ASB4: variants seen among roughly 807,000 people sequenced by gnomAD.
ASB4 encodes ankyrin repeat and SOCS box protein 4.
A neutral mutation model predicts 38.6 loss-of-function variants in ASB4; 35 were observed. That is an observed-to-expected ratio of 0.91 (90% CI 0.69 to 1.20). The LOEUF is 1.20. Among genes scored for constraint, ASB4 ranks in the 50% most tolerant of loss-of-function variants. The pLI is 0.00. For synonymous variants in ASB4, 195 were observed against 201.3 expected (o/e 0.97, Z 0.26); for missense variants, 557 against 527.2 (o/e 1.06, Z -0.55).
At chr7:95,523,740 A>C (rs1562819873) in intron 2 of ASB4, among the ~76,000 whole-genome samples, 1 of 152,194 alleles carries the variant, frequency 6.6e-6, no homozygotes, top group Admixed American at 6.5e-5. Context: ...CATTAATTTT[A>C]AGATCAAAAT....
At chr7:95,515,171 TTCTTTCTTTCTTTC>T (rs1790541310) in intron 2 of ASB4, among the ~76,000 whole-genome samples, 1 of 44,618 alleles carries the variant, frequency 2.2e-5, no homozygotes, top group Non-Finnish European at 5.0e-5. Context: ...CTCTTTCTCT[TTCTTTCTTTCTTTC>T]TTTCTTTCTT....
Position 95,495,901 on chromosome 7 carries a change from C to T in ASB4, c.331C>T (p.Leu111Phe), listed in dbSNP as rs1198817063. The change falls in exon 2 of 5, where the codon CTT becomes TTT. Residue 111 changes from leucine to phenylalanine, a missense_variant. Leu to Phe is a conservative substitution (Grantham distance 22). Coordinates refer to ENST00000325885, the MANE Select transcript of ASB4 (RefSeq NM_016116.3). ...CTGTAGACCCAATGGGAAAACCCCT[C>T]TTCACGTGGCTTGTGAAATGGCCAA... ...INCRPNGKTP[L>F]HVACEMANVD... The T allele has an allele frequency of 4.3e-6, 7 of 1,614,148 alleles. No homozygotes were observed. The highest frequency in any genetic ancestry group is 5.1e-6 in the Non-Finnish European group (6 of 1,180,024).
At chr7:95,523,239 G>A (rs769610355) in intron 2 of ASB4, among the ~76,000 whole-genome samples, 36 of 152,126 alleles carry the variant, frequency 2.4e-4, no homozygotes, top group Non-Finnish European at 5.9e-5. Context: ...TGGTACAAAG[G>A]AAAAGGCAAG....
intron 1 of ASB4, among the ~76,000 whole-genome samples, chr7:95,493,812 G>A (rs1376769090): frequency 6.6e-6 from 1 of 151,946 alleles, no homozygotes; most frequent in African/African-American, 2.4e-5. Flanking sequence ...CTCTCATTCA[G>A]TAATATATCT....
the ASB4 span, among the ~76,000 whole-genome samples, chr7:95,550,257 G>C: frequency 6.6e-6 from 1 of 152,158 alleles, no homozygotes; most frequent in Admixed American, 6.5e-5. Flanking sequence ...TGACACTCCA[G>C]AGAGGAACTA....
intron 3 of ASB4, among the ~76,000 whole-genome samples, chr7:95,533,113 G>C (rs1790840948): frequency 6.6e-6 from 1 of 152,176 alleles, no homozygotes; most frequent in South Asian, 2.1e-4. Context: ...CTTGGGTCTA[G>C]AGGATCCTTG....
At chr7:95,512,127 C>T (rs1378448483) in intron 2 of ASB4, among the ~76,000 whole-genome samples, 1 of 152,158 alleles carries the variant, frequency 6.6e-6, no homozygotes, top group Non-Finnish European at 1.5e-5. Context: ...ATGCTGTAGC[C>T]TATTAGACCA....
At chr7:95,499,696 G>T (rs771937760) in intron 2 of ASB4, among the ~76,000 whole-genome samples, 1 of 152,070 alleles carries the variant, frequency 6.6e-6, no homozygotes, top group Non-Finnish European at 1.5e-5. Flanking sequence ...GGGGGCTGGA[G>T]GGAGGTCACA....
chr7:95,539,926 A>T lies in ASB4; in HGVS notation c.*2167A>T, dbSNP rs1790947552. On this transcript the variant is annotated 3_prime_UTR_variant, in exon 5 of 5. Coordinates refer to ENST00000325885, the MANE Select transcript of ASB4 (RefSeq NM_016116.3). ...AATTAACAAAGTAAAACAAGATCACACCCTGGAACAATTGGAGGATTGCTT... is the reference window on the plus strand; with the variant it reads ...AATTAACAAAGTAAAACAAGATCACTCCCTGGAACAATTGGAGGATTGCTT... The T allele has an allele frequency of 6.6e-6, 1 of 152,176 alleles. No homozygotes were observed. Among genetic ancestry groups the T allele is most frequent in the South Asian group, 2.1e-4 (1 of 4,834 alleles). 9.4% of individuals were successfully genotyped at this position (152,176 alleles called of 1,614,324 possible).
intron 3 of ASB4, 39 bp from the exon 4 acceptor site, chr7:95,536,398 T>A: frequency 7.8e-7 from 1 of 1,284,680 alleles, no homozygotes; most frequent in East Asian, 2.3e-5. Context: ...GAACCATATA[T>A]GTGCATCAAA....
At chr7:95,533,509 G>C (rs1692515548) in intron 3 of ASB4, among the ~76,000 whole-genome samples, 1 of 152,162 alleles carries the variant, frequency 6.6e-6, no homozygotes, top group African/African-American at 2.4e-5. Context: ...CCAGTGACTT[G>C]ACCTTCTAAT....
Position 95,515,267 on chromosome 7 carries a change from C to CCTTCTTTCTT in ASB4, c.488-12546_488-12545insCTTCTTTCTT, listed in dbSNP as rs1249430167. The stretch of plus-strand genomic sequence containing the variant: ...TCTTTCTTTCCTTCTTTCTTTCTTT[C>CCTTCTTTCTT]TCTTTCTTTCTTTCTTTCTTTCTTT... On this transcript the variant is annotated intron_variant, in intron 2 of 4. Coordinates refer to ENST00000325885, the MANE Select transcript of ASB4 (RefSeq NM_016116.3). Among the ~76,000 whole-genome samples, 5 of 72,638 alleles carry CCTTCTTTCTT rather than the reference C, an allele frequency of 6.9e-5. No homozygotes were observed. In the South Asian group the frequency reaches 2.6e-3, roughly 38 times the overall value. The allele number at this position is 72,638 out of a possible 152,430, so 47.7% of individuals were successfully genotyped here.
intron 2 of ASB4, among the ~76,000 whole-genome samples, chr7:95,524,775 G>A (rs537501882): frequency 6.6e-6 from 1 of 152,178 alleles, no homozygotes; most frequent in Non-Finnish European, 1.5e-5. Context: ...AGACAGCCAA[G>A]TATAATCGGG....
intron 2 of ASB4, among the ~76,000 whole-genome samples, chr7:95,523,876 G>T (rs994179990): frequency 4.6e-5 from 7 of 152,056 alleles, no homozygotes; most frequent in African/African-American, 1.7e-4. Flanking sequence ...AGCATTGTTG[G>T]TCAGTAAAAA....
chr7:95,516,043 G>A (rs977460304), intron 2 of ASB4, among the ~76,000 whole-genome samples: 6 of 152,118 alleles, frequency 3.9e-5, no homozygotes, highest in Admixed American at 2.0e-4. Flanking sequence ...GCCTCCTCTT[G>A]CCTTTGAGTC....
At chr7:95,507,381 T>A (rs1790424966) in intron 2 of ASB4, among the ~76,000 whole-genome samples, 1 of 151,982 alleles carries the variant, frequency 6.6e-6, no homozygotes, top group Admixed American at 6.6e-5. Flanking sequence ...CTGCTCCTCT[T>A]CTTTGCCGAG....
chr7:95,500,126 G>C (rs1432001777), intron 2 of ASB4, among the ~76,000 whole-genome samples: 3 of 151,912 alleles, frequency 2.0e-5, no homozygotes, highest in Non-Finnish European at 4.4e-5. Flanking sequence ...CCTCAACAAT[G>C]TGTCAAAGTC....
At chr7:95,481,300 C>T (rs553333601), upstream of ASB4, among the ~76,000 whole-genome samples, 4 of 151,890 alleles carry the variant, frequency 2.6e-5, no homozygotes, top group African/African-American at 9.7e-5. Context: ...GTGTTACTTA[C>T]AAACAAAGGC....
chr7:95,485,852 G>A (rs1462711621), upstream of ASB4: 2 of 784,864 alleles, frequency 2.5e-6, no homozygotes, highest in East Asian at 5.4e-5. Flanking sequence ...TAAATAGAAC[G>A]GATCAGCATA....
Sources: allele counts gnomAD v4.1 joint callset (sites outside exome capture counted in the v4.1 genomes callset), GRCh38; gene constraint gnomAD v4.1.1; transcripts MANE v1.5; gene names NCBI Gene and HGNC (gene_info 2026-07-23, HGNC 2026-07-21).